Variants in DNAAF9 observed in about 807,000 individuals in gnomAD.
The protein encoded by DNAAF9 is shulin.
DNAAF9 carries 90 observed loss-of-function variants against 167.0 expected under a neutral mutation model. That is an observed-to-expected ratio of 0.54 (90% CI 0.45 to 0.64). The LOEUF (loss-of-function observed/expected upper bound fraction) is 0.64, where lower values mean the gene tolerates loss of function less well. Among genes scored for constraint, DNAAF9 ranks in the 30% least tolerant of loss-of-function variants. The pLI, the probability that DNAAF9 is intolerant of heterozygous loss-of-function variation, is 0.00. For missense variants in DNAAF9, 1,315 were observed against 1,442.2 expected (o/e 0.91, Z 1.43); for synonymous variants, 491 against 508.8 (o/e 0.96, Z 0.47).
At chr20:3,363,197 C>T (rs1219302427) in intron 6 of DNAAF9, among the ~76,000 whole-genome samples, 1 of 148,444 alleles carries the variant, frequency 6.7e-6, no homozygotes, top group African/African-American at 2.5e-5. Flanking sequence ...CCATTGCTCT[C>T]TGGCCTGGGT....
intron 29 of DNAAF9, among the ~76,000 whole-genome samples, chr20:3,278,605 G>C (rs1459727465): frequency 5.9e-5 from 9 of 152,106 alleles, no homozygotes; most frequent in Admixed American, 3.3e-4. Flanking sequence ...TGTAATCCCA[G>C]CTACTTGGGA....
At chr20:3,360,254 A>G (rs1488347039) in intron 6 of DNAAF9, 2 of 152,124 alleles carry the variant, frequency 1.3e-5, no homozygotes, top group Non-Finnish European at 2.9e-5. Context: ...TTTTTGATTT[A>G]TCAATTTAGA....
chr20:3,328,174 C>T (rs918101499), intron 12 of DNAAF9, among the ~76,000 whole-genome samples: 11 of 118,770 alleles, frequency 9.3e-5, no homozygotes, highest in Admixed American at 7.2e-4. Flanking sequence ...AAAAAGCCTG[C>T]ATGGCTCTGT....
intron 12 of DNAAF9, among the ~76,000 whole-genome samples, chr20:3,330,122 G>A (rs2069793980): frequency 6.6e-6 from 1 of 152,242 alleles, no homozygotes; most frequent in South Asian, 2.1e-4. Context: ...GTGCAGGTAA[G>A]AAGTCTCTGA....
chr20:3,396,440 T>G (rs562338909), intron 1 of DNAAF9, among the ~76,000 whole-genome samples: 118 of 152,244 alleles, frequency 7.8e-4, no homozygotes, highest in Non-Finnish European at 1.3e-3. Flanking sequence ...TAGCAATAAA[T>G]GAAAGGACAA....
intron 1 of DNAAF9, among the ~76,000 whole-genome samples, chr20:3,383,801 C>CTTT (rs11464653): frequency 1.2e-4 from 17 of 141,236 alleles, no homozygotes; most frequent in African/African-American, 1.6e-4. Flanking sequence ...CCACTGGATT[C>CTTT]TTTTTTTTTT....
chr20:3,379,839 C>T (rs1014573975), intron 3 of DNAAF9, among the ~76,000 whole-genome samples: 2 of 152,092 alleles, frequency 1.3e-5, no homozygotes, highest in Non-Finnish European at 2.9e-5. Flanking sequence ...GGCGGGATCA[C>T]CTGAGGTCAG....
intron 1 of DNAAF9, among the ~76,000 whole-genome samples, chr20:3,399,194 T>C (rs1311210434): frequency 6.6e-6 from 1 of 152,180 alleles, no homozygotes; most frequent in African/African-American, 2.4e-5. Context: ...GACTAATCCA[T>C]ATCCATTCTC....
chr20:3,311,048 C>T (rs1354954488), intron 20 of DNAAF9, among the ~76,000 whole-genome samples: 1 of 152,162 alleles, frequency 6.6e-6, no homozygotes, highest in Non-Finnish European at 1.5e-5. Flanking sequence ...CTCTTCATTC[C>T]AACCCTACAG....
intron 34 of DNAAF9, among the ~76,000 whole-genome samples, chr20:3,255,696 G>C (rs2068267921): frequency 6.6e-6 from 1 of 152,202 alleles, no homozygotes. Flanking sequence ...AGAAGAGCCA[G>C]GCCCCAGCTA....
At position 3,268,897 on chromosome 20, in the gene DNAAF9, C is replaced by CTTTTTTTTTTTTTTTTT. The variant is rs386393120; in HGVS notation, c.2786+1513_2786+1529dup. The stretch of plus-strand genomic sequence containing the variant: ...GTAAAGAGATAATATCTCTATGTTA[C>CTTTTTTTTTTTTTTTTT]TTTTTTTTTTTTTTTTTTTTTTTTG... On this transcript the variant is annotated intron_variant, in intron 30 of 36. Coordinates refer to ENST00000252032, the MANE Select transcript of DNAAF9 (RefSeq NM_001009984.3). Among the ~76,000 whole-genome samples, 16 of 85,844 alleles carry CTTTTTTTTTTTTTTTTT rather than the reference C, an allele frequency of 1.9e-4. 3 individuals are homozygous for CTTTTTTTTTTTTTTTTT. The highest frequency in any genetic ancestry group is 7.0e-4 in the African/African-American group (15 of 21,494). The allele number at this position is 85,844 out of a possible 152,430, so 56.3% of individuals were successfully genotyped here.
At chr20:3,259,354 G>A (rs1312122760) in intron 33 of DNAAF9, 126 bp downstream of exon 33, 4 of 734,432 alleles carry the variant, frequency 5.4e-6, no homozygotes, top group Non-Finnish European at 1.0e-5. Context: ...GGCCCAGGGT[G>A]GGGAAGGTTT....
rs1600759242 is a variant in DNAAF9 at position 3,311,144 on chromosome 20, CTTAT to C, written c.1678+3885_1678+3888del. Among the ~76,000 whole-genome samples, 3 of 152,242 alleles carry C rather than the reference CTTAT, an allele frequency of 2.0e-5. No homozygotes were observed. The East Asian group carries it at 5.8e-4, about 29-fold the overall frequency. ...CAATACCAAAAAAAGCCTATATTTA[CTTAT>C]TTATTTTTTAGAGTTAGGGTCTTGC... On this transcript the variant is annotated intron_variant, in intron 20 of 36. Coordinates refer to ENST00000252032, the MANE Select transcript of DNAAF9 (RefSeq NM_001009984.3).
intron 20 of DNAAF9, among the ~76,000 whole-genome samples, chr20:3,308,112 C>T (rs1041284406): frequency 6.6e-6 from 1 of 152,084 alleles, no homozygotes; most frequent in Admixed American, 6.6e-5. Flanking sequence ...TTCTCTTCCA[C>T]CCAGGGGGAA....
rs796491974 is a variant in DNAAF9, at chr20:3,262,965, C to CTT, written c.2873+1471_2873+1472dup. Among the ~76,000 whole-genome samples, 269 of 81,338 alleles carry CTT rather than the reference C, an allele frequency of 3.3e-3. 16 individuals carry two copies. The highest frequency in any genetic ancestry group is 4.3e-3 in the Non-Finnish European group (182 of 41,872). The allele number at this position is 81,338 out of a possible 152,430, so 53.4% of individuals were successfully genotyped here. A position where few individuals can be genotyped will look rare whatever the true frequency, so the allele number is the denominator to read the frequency against. On this transcript the variant is annotated intron_variant, in intron 31 of 36. Transcript: ENST00000252032. ...TTTTGTTTTTTACAGCATAGCAGAT[C>CTT]TTTTTTTTTTTTTTTTTTTTTTTTT... is the stretch of plus-strand genomic sequence containing the variant.
chr20:3,281,568 A>G lies in DNAAF9; in HGVS notation c.2612+73T>C, dbSNP rs1021519066. On this transcript the variant is annotated intron_variant, in intron 28 of 36. Transcript: ENST00000252032. ...CATACAAGGTGACTAATGCATTCCA[A>G]AAGATCTGTCTTCTTCTGGTGGGTG... 11 of 1,432,128 alleles carry G rather than the reference A, an allele frequency of 7.7e-6. 1 individual carries two copies. The highest frequency in any genetic ancestry group is 9.4e-7 in the Non-Finnish European group (1 of 1,062,670). The allele number at this position is 1,432,128 out of a possible 1,614,324, so 88.7% of individuals were successfully genotyped here.
chr20:3,320,697 C>G (rs188679893), intron 16 of DNAAF9, among the ~76,000 whole-genome samples: 48 of 152,284 alleles, frequency 3.2e-4, no homozygotes, highest in African/African-American at 1.1e-3. Context: ...ACATAAATTA[C>G]AACCTTAAAA....
At chr20:3,258,987 C>G (rs931195187) in intron 33 of DNAAF9, among the ~76,000 whole-genome samples, 2 of 152,190 alleles carry the variant, frequency 1.3e-5, no homozygotes, top group Non-Finnish European at 2.9e-5. Flanking sequence ...GTTTTGAGGC[C>G]TTCTCTGATG....
chr20:3,369,681 GTTAACT>G (rs1357807873), intron 6 of DNAAF9, among the ~76,000 whole-genome samples: 1 of 152,094 alleles, frequency 6.6e-6, no homozygotes, highest in Non-Finnish European at 1.5e-5. Flanking sequence ...CCGGCCTAAA[GTTAACT>G]TTAAAGGTTA....
Sources: gnomAD v4.1 joint callset for allele counts (sites outside exome capture counted in the v4.1 genomes callset) on GRCh38, gnomAD v4.1.1 for gene constraint, MANE v1.5 for transcripts, NCBI Gene and HGNC (gene_info 2026-07-23, HGNC 2026-07-21) for gene names.